The following SPAG16 variants were observed in gnomAD, a reference collection of about 807,000 sequenced individuals.
SPAG16 encodes sperm-associated antigen 16 protein.
SPAG16 carries 86 observed loss-of-function variants against 80.4 expected under a neutral mutation model. The ratio of observed to expected loss-of-function variants is 1.07; its 90% confidence interval spans 0.90 to 1.28. The LOEUF is 1.28. Among genes scored for constraint, SPAG16 ranks in the 50% most tolerant of loss-of-function variants. The probability of loss-of-function intolerance (pLI) is 0.00; values close to 1 mark genes in which losing one functional copy is unlikely to be tolerated. For synonymous variants in SPAG16, 294 were observed against 265.9 expected, an observed-to-expected ratio of 1.11 and a Z score of -1.03; for missense variants, 870 against 765.3, an observed-to-expected ratio of 1.14 and a Z score of -1.61.
At position 213,985,240 on chromosome 2, in the gene SPAG16, T is replaced by C. The variant is rs553963046; in HGVS notation, c.1401-28711T>C. On this transcript the variant is annotated intron_variant, in intron 12 of 15. Transcript: ENST00000331683. ...AAATTTTTGGTGTTGTTTCATTTTG[T>C]TTAACACAATTGACTTCTAGGTAAA... Among the ~76,000 whole-genome samples, 5 of 152,238 alleles carry C rather than the reference T, an allele frequency of 3.3e-5. No homozygotes were observed. In the South Asian group the frequency reaches 8.3e-4, roughly 25 times the overall value.
chr2:213,385,298 A>G (rs1267161872), intron 9 of SPAG16, among the ~76,000 whole-genome samples: 1 of 152,144 alleles, frequency 6.6e-6, no homozygotes, highest in East Asian at 1.9e-4. Context: ...CCTAAGCTTC[A>G]AAGAGCCATC....
At chr2:214,172,724 A>C (rs1036418154) in intron 15 of SPAG16, among the ~76,000 whole-genome samples, 13 of 152,018 alleles carry the variant, frequency 8.6e-5, no homozygotes, top group African/African-American at 2.9e-4. Context: ...CCAACAGTGT[A>C]AAAGTGTTCC....
At chr2:213,365,570 G>A (rs1269118567) in intron 8 of SPAG16, among the ~76,000 whole-genome samples, 1 of 151,628 alleles carries the variant, frequency 6.6e-6, no homozygotes, top group Non-Finnish European at 1.5e-5. Context: ...TGATTCTGGT[G>A]CCTCAGCCTC....
At chr2:214,076,369 G>T (rs187550400) in intron 13 of SPAG16, among the ~76,000 whole-genome samples, 1 of 152,134 alleles carries the variant, frequency 6.6e-6, no homozygotes, top group African/African-American at 2.4e-5. Context: ...CATCCAGAAA[G>T]ATCAGCAACA....
intron 15 of SPAG16, among the ~76,000 whole-genome samples, chr2:214,182,221 A>G (rs2057331017): frequency 6.6e-6 from 1 of 151,740 alleles, no homozygotes; most frequent in Admixed American, 6.6e-5. Context: ...GAAATATTCC[A>G]TACCAGATAA....
chr2:214,373,283 A>G (rs1462566654), intron 15 of SPAG16, among the ~76,000 whole-genome samples: 1 of 152,212 alleles, frequency 6.6e-6, no homozygotes, highest in Admixed American at 6.5e-5. Flanking sequence ...GGGCAGTGCT[A>G]TATGGCAAAG....
chr2:213,945,468 T>C (rs576510019), intron 12 of SPAG16, among the ~76,000 whole-genome samples: 12 of 151,922 alleles, frequency 7.9e-5, no homozygotes, highest in Non-Finnish European at 1.3e-4. Context: ...GAGTCAGTTG[T>C]TTGAGGGCAG....
chr2:214,070,531 G>A (rs1393921385), intron 13 of SPAG16, among the ~76,000 whole-genome samples: 15 of 151,494 alleles, frequency 9.9e-5, no homozygotes, highest in Admixed American at 9.9e-4. Context: ...TTTTCTAGTC[G>A]GTTCCAGCCA....
chr2:214,392,020 G>C (rs1204014892), intron 15 of SPAG16, among the ~76,000 whole-genome samples: 1 of 152,158 alleles, frequency 6.6e-6, no homozygotes, highest in Non-Finnish European at 1.5e-5. Flanking sequence ...CCCTTATCCA[G>C]TTCCTGGAAC....
chr2:213,311,615 A>G (rs2063189352), intron 4 of SPAG16, among the ~76,000 whole-genome samples: 2 of 151,672 alleles, frequency 1.3e-5, no homozygotes, highest in Non-Finnish European at 1.5e-5. Flanking sequence ...GGTATAACGC[A>G]TTTCTTTATG....
At chr2:213,367,247 TA>T (rs200816780) in intron 8 of SPAG16, among the ~76,000 whole-genome samples, 146,910 of 150,850 alleles carry the variant, frequency 0.97, 71,646 homozygotes, top group East Asian at 1. Context: ...GCAATAAACA[TA>T]ATGTGTGCAT....
At chr2:213,469,570 GTTTTTTTTTTTTT>G (rs34005287) in intron 9 of SPAG16, among the ~76,000 whole-genome samples, 3 of 79,270 alleles carry the variant, frequency 3.8e-5, no homozygotes, top group African/African-American at 8.8e-5. Context: ...ACCTCAGCAG[GTTTTTTTTTTTTT>G]TTTTTTTTTT....
intron 10 of SPAG16, among the ~76,000 whole-genome samples, chr2:213,702,365 A>G (rs2065482413): frequency 6.6e-6 from 1 of 152,176 alleles, no homozygotes; most frequent in Admixed American, 6.5e-5. Context: ...CACTTTTTGC[A>G]ATAAATCTTG....
chr2:213,932,140 G>T (rs2078772993), intron 12 of SPAG16, among the ~76,000 whole-genome samples: 1 of 127,790 alleles, frequency 7.8e-6, no homozygotes, highest in African/African-American at 3.2e-5. Flanking sequence ...TTCTTGGCTT[G>T]ATACTGCATA....
intron 14 of SPAG16, among the ~76,000 whole-genome samples, chr2:214,133,260 A>G (rs545028299): frequency 6.6e-6 from 1 of 152,230 alleles, no homozygotes; most frequent in South Asian, 2.1e-4. Context: ...GGCCTCCATC[A>G]ACTGAATTCC....
intron 14 of SPAG16, among the ~76,000 whole-genome samples, chr2:214,115,810 A>G (rs1407878789): frequency 1.3e-5 from 2 of 150,120 alleles, no homozygotes; most frequent in Non-Finnish European, 3.0e-5. Flanking sequence ...CCCGGGAGAC[A>G]GAGATTGCAG....
At chr2:213,495,147 T>A (rs1419842486) in intron 10 of SPAG16, among the ~76,000 whole-genome samples, 1 of 152,196 alleles carries the variant, frequency 6.6e-6, no homozygotes, top group African/African-American at 2.4e-5. Flanking sequence ...CAATCCAGTT[T>A]CCTCTTCTCT....
At chr2:213,529,746 T>A (rs1369063678) in intron 10 of SPAG16, among the ~76,000 whole-genome samples, 1 of 152,202 alleles carries the variant, frequency 6.6e-6, no homozygotes, top group African/African-American at 2.4e-5. Flanking sequence ...AAACATGGTA[T>A]AAATGATTTT....
chr2:214,204,294 G>A (rs964510718), intron 15 of SPAG16, among the ~76,000 whole-genome samples: 3 of 152,166 alleles, frequency 2.0e-5, no homozygotes, highest in African/African-American at 7.2e-5. Flanking sequence ...CTATGGCCCT[G>A]CCCACCACCT....
Sources: allele counts gnomAD v4.1 joint callset (sites outside exome capture counted in the v4.1 genomes callset), GRCh38; gene constraint gnomAD v4.1.1; transcripts MANE v1.5; gene names NCBI Gene and HGNC (gene_info 2026-07-23, HGNC 2026-07-21).